Variants in LRRC40 observed in about 807,000 individuals in gnomAD.
The protein encoded by LRRC40 is leucine rich repeat containing 40, also known as leucine-rich repeat-containing protein 40.
A neutral mutation model predicts 72.8 loss-of-function variants in LRRC40; 76 were observed. The ratio of observed to expected loss-of-function variants is 1.04; its 90% CI spans 0.87 to 1.26. The LOEUF (loss-of-function observed/expected upper bound fraction) is 1.26. Ranked by LOEUF, LRRC40 falls within the 50% of genes most tolerant of loss-of-function variation. The pLI is 0.00. For missense variants in LRRC40, 684 were observed against 698.9 expected, an observed-to-expected ratio of 0.98 and a Z score of 0.24; for synonymous variants, 243 against 254.2, an observed-to-expected ratio of 0.96 and a Z score of 0.42.
At chr1:70,169,695 A>G (rs1667960304) in intron 9 of LRRC40, among the ~76,000 whole-genome samples, 1 of 152,126 alleles carries the variant, frequency 6.6e-6, no homozygotes, top group Non-Finnish European at 1.5e-5. Context: ...GATAAAATGG[A>G]CACATTCCTA....
chr1:70,162,612 A>G (rs1667789648), intron 9 of LRRC40, among the ~76,000 whole-genome samples: 1 of 152,176 alleles, frequency 6.6e-6, no homozygotes, highest in Admixed American at 6.5e-5. Context: ...ATACATAACC[A>G]GTAGCAATCC....
intron 1 of LRRC40, among the ~76,000 whole-genome samples, chr1:70,203,632 A>G (rs1334078490): frequency 6.6e-6 from 1 of 152,214 alleles, no homozygotes; most frequent in Non-Finnish European, 1.5e-5. Context: ...CTTTTTATGT[A>G]CCAGGCACTT....
At chr1:70,200,454 C>T (rs1668711051) in intron 1 of LRRC40, among the ~76,000 whole-genome samples, 1 of 151,448 alleles carries the variant, frequency 6.6e-6, no homozygotes, top group Non-Finnish European at 1.5e-5. Flanking sequence ...GAATGAGACC[C>T]TACCTCTAAA....
At chr1:70,202,676 C>G (rs1668774155) in intron 1 of LRRC40, among the ~76,000 whole-genome samples, 1 of 152,082 alleles carries the variant, frequency 6.6e-6, no homozygotes, top group South Asian at 2.1e-4. Flanking sequence ...CCTAACAAAC[C>G]TATGAACTCC....
intron 7 of LRRC40, among the ~76,000 whole-genome samples, chr1:70,174,555 A>G (rs1037359018): frequency 1.3e-5 from 2 of 152,134 alleles, no homozygotes; most frequent in Admixed American, 6.5e-5. Context: ...CTGAAAAGAC[A>G]CATGAACTGC....
rs917461589 is a variant in LRRC40 at position 70,174,786 on chromosome 1, T to C, written c.977+1024A>G. Reference sequence around the variant, plus strand: ...CAGGGGTTGGGGTATGGAAAGGGAATTGACTGCAAAAGGTATGAGGAAACT... The same window carrying C: ...CAGGGGTTGGGGTATGGAAAGGGAACTGACTGCAAAAGGTATGAGGAAACT... On this transcript the variant is annotated intron_variant, in intron 7 of 14. Transcript: ENST00000370952. 3.9e-5 allele frequency among the ~76,000 whole-genome samples: 6 copies of C among 152,012 alleles called. 1 individual carries two copies. Among genetic ancestry groups the C allele is most frequent in the African/African-American group, 1.4e-4 (6 of 41,438 alleles).
intron 3 of LRRC40, 58 bp from the exon 4 acceptor site, chr1:70,184,972 C>G: frequency 1.4e-6 from 2 of 1,418,078 alleles, no homozygotes; most frequent in South Asian, 1.2e-5. Flanking sequence ...AAATATTTAT[C>G]AAAGACATTT....
intron 3 of LRRC40, among the ~76,000 whole-genome samples, chr1:70,186,677 A>G (rs1362136482): frequency 1.3e-5 from 2 of 152,212 alleles, no homozygotes; most frequent in African/African-American, 2.4e-5. Context: ...CTATGTCTAT[A>G]TAACAAACAA....
At chr1:70,158,931 C>T (rs549611282) in intron 10 of LRRC40, among the ~76,000 whole-genome samples, 10 of 152,156 alleles carry the variant, frequency 6.6e-5, no homozygotes, top group Non-Finnish European at 1.3e-4. Flanking sequence ...ACAAAACCAT[C>T]TCTCTCTCAA....
At chr1:70,153,582 T>G (rs1667562511) in intron 11 of LRRC40, among the ~76,000 whole-genome samples, 1 of 152,172 alleles carries the variant, frequency 6.6e-6, no homozygotes, top group African/African-American at 2.4e-5. Context: ...AGAGAAACAA[T>G]ATGTTTCCTT....
At chr1:70,203,177 G>A (rs1162037820) in intron 1 of LRRC40, among the ~76,000 whole-genome samples, 1 of 152,058 alleles carries the variant, frequency 6.6e-6, no homozygotes, top group Non-Finnish European at 1.5e-5. Flanking sequence ...TTACAGGCAT[G>A]AGCTACTATC....
chr1:70,146,019 CTTTTTA>C (rs997268557), intron 14 of LRRC40, 114 bp from the exon 15 acceptor site: 37 of 570,042 alleles, frequency 6.5e-5, no homozygotes, highest in East Asian at 1.2e-4. Flanking sequence ...CTATTTGCCC[CTTTTTA>C]TTTTTATTTC....
intron 9 of LRRC40, among the ~76,000 whole-genome samples, chr1:70,171,318 AT>A (rs1406434168): frequency 6.6e-6 from 1 of 151,982 alleles, no homozygotes; most frequent in Non-Finnish European, 1.5e-5. Flanking sequence ...TTAAAAAAAA[AT>A]GAACAAAAAA....
At chr1:70,172,731 T>C (rs1045160410) in intron 9 of LRRC40, among the ~76,000 whole-genome samples, 1 of 152,152 alleles carries the variant, frequency 6.6e-6, no homozygotes, top group Non-Finnish European at 1.5e-5. Flanking sequence ...ATAGCTAAAC[T>C]ACACAATTAT....
intron 5 of LRRC40, among the ~76,000 whole-genome samples, chr1:70,179,709 C>T (rs894575886): frequency 6.6e-6 from 1 of 152,080 alleles, no homozygotes; most frequent in African/African-American, 2.4e-5. Context: ...GATATTTCCA[C>T]TCAATTTATG....
chr1:70,174,819 G>A (rs1328491370), intron 7 of LRRC40, among the ~76,000 whole-genome samples: 1 of 152,064 alleles, frequency 6.6e-6, no homozygotes, highest in Non-Finnish European at 1.5e-5. Context: ...ACTTTTTAGG[G>A]AGATAGAAAT....
chr1:70,165,712 T>C (rs1050591225), intron 9 of LRRC40, among the ~76,000 whole-genome samples: 1 of 152,208 alleles, frequency 6.6e-6, no homozygotes, highest in African/African-American at 2.4e-5. Flanking sequence ...TCCCAACTTT[T>C]TCCTCAAAGA....
rs746701575 is a variant in LRRC40 at position 70,181,172 on chromosome 1, C to G, written c.575G>C (p.Ser192Thr). 3 of 1,591,896 alleles carry G rather than the reference C, an allele frequency of 1.9e-6. No homozygotes were observed. In the South Asian group the frequency reaches 3.5e-5, roughly 18 times the overall value. Residue 192 changes from serine to threonine, a missense_variant, in exon 5 of 15, where the codon AGT becomes ACT. Coordinates refer to ENST00000370952, the MANE Select transcript of LRRC40 (RefSeq NM_017768.5). Reference sequence around the variant, plus strand: ...CACCAGACTGGACAGAGAAGAAAAACTAGCAGGAACAGTTGTAAGATGATT... The same window carrying G: ...CACCAGACTGGACAGAGAAGAAAAAGTAGCAGGAACAGTTGTAAGATGATT... ...SNNHLTTVPA[S>T]FSSLSSLVRL...
At chr1:70,170,944 TG>T (rs1667987822) in intron 9 of LRRC40, among the ~76,000 whole-genome samples, 1 of 152,108 alleles carries the variant, frequency 6.6e-6, no homozygotes. Flanking sequence ...CTTCCTGATT[TG>T]ATTTCAAAAC....
Sources: allele counts gnomAD v4.1 joint callset (sites outside exome capture counted in the v4.1 genomes callset), GRCh38; gene constraint gnomAD v4.1.1; transcripts MANE v1.5; gene names NCBI Gene and HGNC (gene_info 2026-07-23, HGNC 2026-07-21).